Variants in CD6 observed in about 807,000 individuals in gnomAD.
CD6 encodes the protein CD6 molecule.
In CD6, 53 loss-of-function variants were observed where a neutral mutation model predicts 75.3. The observed-to-expected ratio is 0.70, with a 90% confidence interval of 0.56 to 0.88. The LOEUF (loss-of-function observed/expected upper bound fraction) is 0.88. Ranked by LOEUF, CD6 falls within the 40% of genes least tolerant of loss-of-function variation. The pLI, the probability that CD6 is intolerant of heterozygous loss-of-function variation, is 0.00. For missense variants in CD6, 770 were observed against 897.1 expected (o/e 0.86, Z 1.81); for synonymous variants, 359 against 381.5 (o/e 0.94, Z 0.69).
chr11:60,978,014 G>T (rs1857423847), intron 1 of CD6, among the ~76,000 whole-genome samples: 1 of 152,168 alleles, frequency 6.6e-6, no homozygotes, highest in African/African-American at 2.4e-5. Flanking sequence ...ATGTCAGAGA[G>T]ACTTTAAAGA....
intron 8 of CD6, among the ~76,000 whole-genome samples, chr11:61,014,771 C>A (rs1029708650): frequency 2.0e-5 from 3 of 151,976 alleles, no homozygotes; most frequent in Non-Finnish European, 4.4e-5. Context: ...GTCATTCATC[C>A]TTTATGATAT....
At position 61,013,792 on chromosome 11, in the gene CD6, G is replaced by A. The variant is rs113599277; in HGVS notation, c.1292-127G>A. ...TGTGTTTGTGTGTGTGTTTGTGCGC[G>A]CGCACATGTGCCTGCAAGTGTTGGG... On this transcript the variant is annotated intron_variant, in intron 7 of 12. Coordinates refer to ENST00000313421, the MANE Select transcript of CD6 (RefSeq NM_006725.5). 117 of 734,614 alleles carry A rather than the reference G, an allele frequency of 1.6e-4. 1 individual carries two copies. The highest frequency in any genetic ancestry group is 3.8e-4 in the Admixed American group (14 of 37,146). 45.5% of individuals were successfully genotyped at this position (734,614 alleles called of 1,614,324 possible).
At chr11:60,992,611 T>C (rs1009074289) in intron 1 of CD6, among the ~76,000 whole-genome samples, 1 of 151,982 alleles carries the variant, frequency 6.6e-6, no homozygotes, top group Non-Finnish European at 1.5e-5. Context: ...GCAGACTACC[T>C]GAGGTCAGGA....
At chr11:61,012,906 G>A (rs994581965) in intron 6 of CD6, among the ~76,000 whole-genome samples, 3 of 152,214 alleles carry the variant, frequency 2.0e-5, no homozygotes, top group Non-Finnish European at 4.4e-5. Context: ...GGAAGTCAGC[G>A]TTGGTCTTCC....
intron 1 of CD6, among the ~76,000 whole-genome samples, chr11:60,990,465 C>A (rs1415188690): frequency 6.6e-6 from 1 of 152,144 alleles, no homozygotes; most frequent in African/African-American, 2.4e-5. Context: ...CTCAAGTGAT[C>A]CACTTGCCTC....
chr11:61,005,124 C>A (rs1325039231), intron 1 of CD6, among the ~76,000 whole-genome samples: 1 of 152,210 alleles, frequency 6.6e-6, no homozygotes, highest in Non-Finnish European at 1.5e-5. Context: ...GCCTCAGGCC[C>A]ACGCATCAGT....
At chr11:61,001,253 C>T (rs562304756) in intron 1 of CD6, among the ~76,000 whole-genome samples, 109 of 129,328 alleles carry the variant, frequency 8.4e-4, no homozygotes, top group Non-Finnish European at 1.4e-3. Flanking sequence ...CAGGCTAGAG[C>T]GTAGTAGTGG....
intron 1 of CD6, among the ~76,000 whole-genome samples, chr11:60,974,165 G>C (rs1857285474): frequency 6.6e-6 from 1 of 152,178 alleles, no homozygotes; most frequent in African/African-American, 2.4e-5. Flanking sequence ...GGATAATGAA[G>C]TGCGTGTGGA....
Position 60,981,530 on chromosome 11 carries a change from C to T in CD6, c.49+9616C>T, listed in dbSNP as rs1487968713. Among the ~76,000 whole-genome samples the T allele has an allele frequency of 2.6e-5, 4 of 152,328 alleles. No individual in the cohort carries two copies. In the South Asian group the frequency reaches 6.2e-4, roughly 24 times the overall value. On this transcript the variant is annotated intron_variant, in intron 1 of 12. Transcript: ENST00000313421. The stretch of plus-strand genomic sequence containing the variant: ...AGGCTGAGTGGCCATGCCCAGCCTT[C>T]GTTTCCCCGGCTGTAAAGCAGGGCC...
intron 1 of CD6, among the ~76,000 whole-genome samples, chr11:60,987,149 T>C (rs1857854115): frequency 6.6e-6 from 1 of 152,194 alleles, no homozygotes; most frequent in African/African-American, 2.4e-5. Context: ...AAATGTATTG[T>C]CTCACAGTTC....
At chr11:61,004,855 G>C (rs1858774768) in intron 1 of CD6, among the ~76,000 whole-genome samples, 1 of 152,202 alleles carries the variant, frequency 6.6e-6, no homozygotes, top group Non-Finnish European at 1.5e-5. Flanking sequence ...CTTCAACAGG[G>C]AAGACGTAAA....
At chr11:60,996,686 G>A (rs892208344) in intron 1 of CD6, among the ~76,000 whole-genome samples, 1 of 152,160 alleles carries the variant, frequency 6.6e-6, no homozygotes, top group African/African-American at 2.4e-5. Context: ...TAGTCACAAG[G>A]GCCTGGTGCC....
intron 1 of CD6, among the ~76,000 whole-genome samples, chr11:61,000,617 G>A (rs1268697570): frequency 6.6e-6 from 1 of 152,208 alleles, no homozygotes; most frequent in African/African-American, 2.4e-5. Context: ...GGCTTGCTCT[G>A]ACACTGGGCT....
Position 61,008,336 on chromosome 11 carries a change from CT to C in CD6, c.470-197del, listed in dbSNP as rs1424801195. ...GCCCTCCAGGCCCCGCCCACCAGGT[CT>C]CTGGTCCCTCCCACCAGCCTGCGGC... is the stretch of plus-strand genomic sequence containing the variant. On this transcript the variant is annotated intron_variant, in intron 3 of 12. Coordinates refer to ENST00000313421, the MANE Select transcript of CD6 (RefSeq NM_006725.5). 5 of 582,224 alleles carry C rather than the reference CT, an allele frequency of 8.6e-6. No individual in the cohort carries two copies. In the African/African-American group the frequency reaches 9.3e-5, roughly 11 times the overall value. 36.1% of individuals were successfully genotyped at this position (582,224 alleles called of 1,614,324 possible).
At chr11:60,976,827 G>T (rs1857381573) in intron 1 of CD6, among the ~76,000 whole-genome samples, 1 of 152,186 alleles carries the variant, frequency 6.6e-6, no homozygotes, top group Non-Finnish European at 1.5e-5. Flanking sequence ...CCCTACATCT[G>T]CCGTGCATCT....
chr11:61,016,382 G>T (rs1034625407), intron 9 of CD6, among the ~76,000 whole-genome samples: 1 of 152,192 alleles, frequency 6.6e-6, no homozygotes, highest in Non-Finnish European at 1.5e-5. Flanking sequence ...AGACCAGAGC[G>T]TCCCACACCT....
At chr11:60,992,323 C>T (rs1858096813) in intron 1 of CD6, among the ~76,000 whole-genome samples, 1 of 141,794 alleles carries the variant, frequency 7.1e-6, no homozygotes, top group Non-Finnish European at 1.5e-5. Context: ...CTGTGCCCAG[C>T]TTGTGAGGCT....
At chr11:60,980,446 G>A (rs1590668724) in intron 1 of CD6, among the ~76,000 whole-genome samples, 1 of 152,074 alleles carries the variant, frequency 6.6e-6, no homozygotes, top group South Asian at 2.1e-4. Flanking sequence ...AGGCTGCAGT[G>A]AGCCATGATC....
intron 1 of CD6, among the ~76,000 whole-genome samples, chr11:60,999,357 CA>C (rs1858464672): frequency 6.7e-6 from 1 of 150,200 alleles, no homozygotes; most frequent in Non-Finnish European, 1.5e-5. Flanking sequence ...AGTTCATGAC[CA>C]GGATAGCTAT....
Sources: allele counts gnomAD v4.1 joint callset (sites outside exome capture counted in the v4.1 genomes callset), GRCh38; gene constraint gnomAD v4.1.1; transcripts MANE v1.5; gene names NCBI Gene and HGNC (gene_info 2026-07-23, HGNC 2026-07-21).